The following NKAIN3 variants were observed in gnomAD, a reference collection of about 807,000 sequenced individuals.
The protein encoded by NKAIN3 is sodium/potassium-transporting ATPase subunit beta-1-interacting protein 3.
A neutral mutation model predicts 30.2 loss-of-function variants in NKAIN3; 25 were observed. That is an observed-to-expected ratio of 0.83 (90% CI 0.60 to 1.16). The LOEUF (loss-of-function observed/expected upper bound fraction) is 1.16. NKAIN3 is among the 50% of genes most tolerant of loss of function. The pLI is 0.00. For synonymous variants in NKAIN3, 91 were observed against 89.6 expected (o/e 1.02, Z -0.09); for missense variants, 225 against 254.1 (o/e 0.89, Z 0.78).
intron 1 of NKAIN3, among the ~76,000 whole-genome samples, chr8:62,505,281 T>C (rs1253664493): frequency 6.6e-6 from 1 of 152,154 alleles, no homozygotes; most frequent in Non-Finnish European, 1.5e-5. Flanking sequence ...TAGCCCTAGG[T>C]ATTGAAAAGC....
intron 1 of NKAIN3, among the ~76,000 whole-genome samples, chr8:62,576,509 A>G (rs530968264): frequency 2.6e-5 from 4 of 152,192 alleles, no homozygotes; most frequent in Admixed American, 2.6e-4. Context: ...TATTTATGCT[A>G]CATTACAATT....
intron 3 of NKAIN3, among the ~76,000 whole-genome samples, chr8:62,652,493 A>G (rs1375497788): frequency 1.3e-5 from 2 of 152,224 alleles, no homozygotes; most frequent in Non-Finnish European, 2.9e-5. Context: ...TAGAATTATA[A>G]GAAAAGTTTC....
intron 4 of NKAIN3, among the ~76,000 whole-genome samples, chr8:62,825,973 G>T (rs1437982677): frequency 6.6e-6 from 1 of 152,150 alleles, no homozygotes; most frequent in Non-Finnish European, 1.5e-5. Context: ...TACATGCCAT[G>T]TCAATAGCAT....
intron 3 of NKAIN3, among the ~76,000 whole-genome samples, chr8:62,631,773 G>A (rs984622002): frequency 3.3e-5 from 5 of 152,058 alleles, no homozygotes; most frequent in Non-Finnish European, 5.9e-5. Context: ...TTCTGAAAAT[G>A]TTTCTGCTAA....
intron 4 of NKAIN3, chr8:62,856,243 A>G: frequency 1.1e-6 from 1 of 880,634 alleles, no homozygotes; most frequent in South Asian, 1.3e-5. Flanking sequence ...TTGTTTCCCA[A>G]TAGAGCTTTA....
chr8:62,900,484 C>A (rs1458095969), intron 4 of NKAIN3, among the ~76,000 whole-genome samples: 1 of 152,150 alleles, frequency 6.6e-6, no homozygotes, highest in Non-Finnish European at 1.5e-5. Flanking sequence ...AGGTTAACAT[C>A]ATGGGCTCCA....
At chr8:62,825,123 A>G (rs1818978508) in intron 4 of NKAIN3, among the ~76,000 whole-genome samples, 1 of 152,168 alleles carries the variant, frequency 6.6e-6, no homozygotes, top group African/African-American at 2.4e-5. Context: ...GCCTTACACT[A>G]TCTCTGCCAA....
intron 1 of NKAIN3, among the ~76,000 whole-genome samples, chr8:62,540,127 TTC>T (rs781021114): frequency 6.6e-5 from 10 of 152,320 alleles, no homozygotes; most frequent in Non-Finnish European, 1.5e-4. Flanking sequence ...CATCATTTTC[TTC>T]TCTGTCTCCC....
At chr8:62,769,914 A>G (rs77439544) in intron 4 of NKAIN3, among the ~76,000 whole-genome samples, 4,025 of 152,184 alleles carry the variant, frequency 0.026, 186 homozygotes, top group African/African-American at 0.091. Context: ...AACTTTCTCT[A>G]TTGGTGGATG....
chr8:62,916,054 G>C (rs1822091788), intron 4 of NKAIN3, among the ~76,000 whole-genome samples: 1 of 152,124 alleles, frequency 6.6e-6, no homozygotes, highest in Non-Finnish European at 1.5e-5. Flanking sequence ...CTATGGTATG[G>C]AAAAGCAGGC....
At chr8:62,538,128 T>C (rs992424973) in intron 1 of NKAIN3, among the ~76,000 whole-genome samples, 4 of 152,174 alleles carry the variant, frequency 2.6e-5, no homozygotes, top group African/African-American at 4.8e-5. Flanking sequence ...TTGATCTCTA[T>C]ACAAGTACTT....
chr8:62,559,223 T>A (rs1184682817), intron 1 of NKAIN3, among the ~76,000 whole-genome samples: 1 of 152,038 alleles, frequency 6.6e-6, no homozygotes, highest in African/African-American at 2.4e-5. Flanking sequence ...TACTTTTTTT[T>A]ATATTAATAT....
Position 62,487,267 on chromosome 8 carries a change from G to A in NKAIN3, c.55-92272G>A, listed in dbSNP as rs571400074. ...CACACTAAATTCTGTTTCCAAAATG[G>A]CATGGGTTGTGCTAAGAAACTGAGA... On this transcript the variant is annotated intron_variant, in intron 1 of 6. Coordinates refer to ENST00000623646, the MANE Select transcript of NKAIN3 (RefSeq NM_001304533.3). 2.6e-5 allele frequency among the ~76,000 whole-genome samples: 4 copies of A among 152,262 alleles called. No homozygotes were observed. In the South Asian group the frequency reaches 8.3e-4, roughly 32 times the overall value.
intron 1 of NKAIN3, among the ~76,000 whole-genome samples, chr8:62,519,330 T>C (rs575583989): frequency 2.0e-5 from 3 of 152,166 alleles, no homozygotes; most frequent in Non-Finnish European, 2.9e-5. Flanking sequence ...GGTGCTACCC[T>C]GTTTATACAG....
intron 5 of NKAIN3, among the ~76,000 whole-genome samples, chr8:62,937,296 C>A (rs1461845472): frequency 6.6e-6 from 1 of 152,072 alleles, no homozygotes; most frequent in Non-Finnish European, 1.5e-5. Context: ...ATTCGTAGAG[C>A]CTTTGAAAGA....
intron 3 of NKAIN3, among the ~76,000 whole-genome samples, chr8:62,647,048 A>G (rs118034535): frequency 1.0e-3 from 152 of 152,270 alleles, no homozygotes; most frequent in Non-Finnish European, 1.8e-3. Flanking sequence ...TACACTCTGT[A>G]TTTCACCAAA....
chr8:62,368,107 A>G (rs1056922022), intron 1 of NKAIN3, among the ~76,000 whole-genome samples: 1 of 152,302 alleles, frequency 6.6e-6, no homozygotes, highest in East Asian at 1.9e-4. Context: ...ATGTCCATAC[A>G]TTGGAAGAAT....
Position 62,254,153 on chromosome 8 carries a change from CGTGTGTGTGTGTGT to C in NKAIN3, c.54+5061_54+5074del, listed in dbSNP as rs10629239. Among the ~76,000 whole-genome samples, 415 of 137,046 alleles carry C rather than the reference CGTGTGTGTGTGTGT, an allele frequency of 3.0e-3. 1 individual carries two copies. The highest frequency in any genetic ancestry group is 9.7e-3 in the African/African-American group (354 of 36,320). 89.9% of individuals were successfully genotyped at this position (137,046 alleles called of 152,430 possible). On this transcript the variant is annotated intron_variant, in intron 1 of 6. Transcript: ENST00000623646. ...AAAATGAATTGTTGTGCTTGGGTAT[CGTGTGTGTGTGTGT>C]GTGTGTGTGTGTGTGTGTGTGTGTG...
At chr8:62,622,135 T>C (rs191131757) in intron 3 of NKAIN3, among the ~76,000 whole-genome samples, 2 of 152,204 alleles carry the variant, frequency 1.3e-5, no homozygotes, top group Admixed American at 6.5e-5. Flanking sequence ...CACTCCTTTT[T>C]ATTACTGAGT....
Sources: allele counts gnomAD v4.1 joint callset (sites outside exome capture counted in the v4.1 genomes callset), GRCh38; gene constraint gnomAD v4.1.1; transcripts MANE v1.5; gene names NCBI Gene and HGNC (gene_info 2026-07-23, HGNC 2026-07-21).